The following CSMD1 variants were observed in gnomAD, a reference collection of about 807,000 sequenced individuals.
CSMD1 encodes the protein CUB and Sushi multiple domains 1.
In CSMD1, 213 loss-of-function variants were observed where a neutral mutation model predicts 417.5. The ratio of observed to expected loss-of-function variants is 0.51; its 90% CI spans 0.46 to 0.57. The LOEUF (loss-of-function observed/expected upper bound fraction) is 0.57. Ranked by LOEUF, CSMD1 falls within the 20% of genes least tolerant of loss-of-function variation. The pLI, the probability that CSMD1 is intolerant of heterozygous loss-of-function variation, is 0.00. For missense variants in CSMD1, 6,923 were observed against 4,529.7 expected, an observed-to-expected ratio of 1.53 and a Z score of -15.17; for synonymous variants, 2,862 against 1,736.8, an observed-to-expected ratio of 1.65 and a Z score of -16.11.
intron 2 of CSMD1, among the ~76,000 whole-genome samples, chr8:4,443,663 A>T (rs551974631): frequency 1.5e-4 from 23 of 152,348 alleles, no homozygotes; most frequent in Admixed American, 1.2e-3. Flanking sequence ...AGTTAAAGAA[A>T]TAGCATTTAT....
chr8:4,194,814 C>T (rs1018824989), intron 3 of CSMD1, among the ~76,000 whole-genome samples: 8 of 151,678 alleles, frequency 5.3e-5, no homozygotes, highest in African/African-American at 1.9e-4. Context: ...ACTATGAGTT[C>T]TGCAAAGAAA....
chr8:4,526,850 C>G (rs192001343), intron 2 of CSMD1, among the ~76,000 whole-genome samples: 144 of 152,030 alleles, frequency 9.5e-4, no homozygotes, highest in Non-Finnish European at 1.7e-3. Flanking sequence ...TTTTCTCCCC[C>G]CAAGAAGACA....
intron 5 of CSMD1, among the ~76,000 whole-genome samples, chr8:3,844,537 A>C (rs1204831171): frequency 6.6e-6 from 1 of 152,206 alleles, no homozygotes; most frequent in South Asian, 2.1e-4. Context: ...CAGAATTGTC[A>C]CAGAGGGAAA....
chr8:3,510,862 T>A (rs540460976), intron 10 of CSMD1, among the ~76,000 whole-genome samples: 1 of 151,840 alleles, frequency 6.6e-6, no homozygotes, highest in African/African-American at 2.4e-5. Context: ...GGTTGTTTTT[T>A]CCTTGTAAAT....
chr8:3,148,960 T>G (rs768776900), intron 40 of CSMD1, among the ~76,000 whole-genome samples: 2 of 152,250 alleles, frequency 1.3e-5, no homozygotes, highest in Admixed American at 1.3e-4. Context: ...TTTTCATGCC[T>G]GTTTGATTTG....
chr8:3,469,518 C>T (rs868493636), intron 11 of CSMD1, among the ~76,000 whole-genome samples: 16 of 152,294 alleles, frequency 1.1e-4, no homozygotes, highest in Middle Eastern at 3.4e-3. Flanking sequence ...ATAGGGGCTG[C>T]TGTCAGCCAG....
rs564670158 is a variant in CSMD1 at position 3,297,347 on chromosome 8, A to G, written c.3950+10348T>C. ...GTTTCTGAAATTCATATGGAAGTGC[A>G]GAAGGCCAAGAATAGTCACAGTGAT... is the stretch of plus-strand genomic sequence containing the variant. On this transcript the variant is annotated intron_variant, in intron 25 of 69. Transcript: ENST00000635120. 3.3e-5 allele frequency among the ~76,000 whole-genome samples: 5 copies of G among 152,320 alleles called. No individual in the cohort carries two copies. The East Asian group carries it at 9.6e-4, about 29-fold the overall frequency.
intron 1 of CSMD1, among the ~76,000 whole-genome samples, chr8:4,905,725 C>CT (rs1805210971): frequency 6.8e-6 from 1 of 146,854 alleles, no homozygotes; most frequent in Admixed American, 7.2e-5. Context: ...GAGGCTGAGG[C>CT]AGGAGAATGG....
chr8:3,435,478 C>T (rs1364315085), intron 12 of CSMD1, among the ~76,000 whole-genome samples: 1 of 152,098 alleles, frequency 6.6e-6, no homozygotes, highest in African/African-American at 2.4e-5. Flanking sequence ...CTGTCCAATC[C>T]TTTCAGGCTT....
chr8:4,762,327 A>G (rs1314919104), intron 1 of CSMD1, among the ~76,000 whole-genome samples: 1 of 152,138 alleles, frequency 6.6e-6, no homozygotes, highest in East Asian at 1.9e-4. Flanking sequence ...ATAACATTTA[A>G]TAAGTTTATA....
chr8:4,032,871 T>G (rs1435828745), intron 3 of CSMD1, among the ~76,000 whole-genome samples: 1 of 152,112 alleles, frequency 6.6e-6, no homozygotes, highest in Admixed American at 6.5e-5. Flanking sequence ...TCTGAAAAAC[T>G]AGGTCAGGCC....
At chr8:3,417,939 T>C (rs73657877) in intron 12 of CSMD1, among the ~76,000 whole-genome samples, 2,848 of 152,256 alleles carry the variant, frequency 0.019, 56 homozygotes, top group East Asian at 0.096. Context: ...TGGACAGACA[T>C]GGAGCCTCCC....
chr8:3,463,986 C>G (rs770045723), intron 12 of CSMD1, among the ~76,000 whole-genome samples: 11 of 152,160 alleles, frequency 7.2e-5, no homozygotes, highest in Non-Finnish European at 1.6e-4. Flanking sequence ...GGAGACAATT[C>G]CGTTTCTTGT....
intron 54 of CSMD1, among the ~76,000 whole-genome samples, chr8:2,986,268 A>C (rs1193103251): frequency 6.6e-6 from 1 of 152,192 alleles, no homozygotes; most frequent in Non-Finnish European, 1.5e-5. Context: ...GCATTGGTTT[A>C]TCTAGAGCTC....
intron 8 of CSMD1, among the ~76,000 whole-genome samples, chr8:3,600,742 A>G (rs1486401200): frequency 6.6e-6 from 1 of 152,026 alleles, no homozygotes; most frequent in Non-Finnish European, 1.5e-5. Flanking sequence ...CTCTATCCCC[A>G]CTCTATCACA....
intron 33 of CSMD1, among the ~76,000 whole-genome samples, chr8:3,193,560 C>G (rs1025176737): frequency 2.0e-5 from 3 of 152,016 alleles, no homozygotes; most frequent in African/African-American, 7.3e-5. Context: ...AGACGGCATC[C>G]GAGAGAAAAA....
chr8:4,664,805 G>A (rs1048869312), intron 1 of CSMD1, among the ~76,000 whole-genome samples: 1 of 152,068 alleles, frequency 6.6e-6, no homozygotes, highest in Non-Finnish European at 1.5e-5. Context: ...CATCTTTATG[G>A]TGAGGGAAAA....
At chr8:4,910,428 A>C (rs1179431766) in intron 1 of CSMD1, among the ~76,000 whole-genome samples, 4 of 152,212 alleles carry the variant, frequency 2.6e-5, no homozygotes, top group Non-Finnish European at 5.9e-5. Flanking sequence ...CTGGAGGCTG[A>C]GAAGTCCAGG....
intron 5 of CSMD1, among the ~76,000 whole-genome samples, chr8:3,921,318 T>G (rs900578523): frequency 6.6e-6 from 1 of 152,100 alleles, no homozygotes; most frequent in African/African-American, 2.4e-5. Flanking sequence ...CATAAGAGTT[T>G]ATCATTTTTG....
Sources: allele counts gnomAD v4.1 joint callset (sites outside exome capture counted in the v4.1 genomes callset), GRCh38; gene constraint gnomAD v4.1.1; transcripts MANE v1.5; gene names NCBI Gene and HGNC (gene_info 2026-07-23, HGNC 2026-07-21).